Variants in MYH15 observed in about 807,000 individuals in gnomAD.
MYH15 encodes myosin-15.
A neutral mutation model predicts 240.5 loss-of-function variants in MYH15; 227 were observed. The observed-to-expected ratio is 0.94, with a 90% CI of 0.85 to 1.05. MYH15 has a LOEUF of 1.05. MYH15 is among the 50% of genes least tolerant of loss of function. The pLI, the probability that MYH15 is intolerant of heterozygous loss-of-function variation, is 0.00. For synonymous variants in MYH15, 785 were observed against 796.7 expected, an observed-to-expected ratio of 0.99 and a Z score of 0.25; for missense variants, 2,217 against 2,247.5, an observed-to-expected ratio of 0.99 and a Z score of 0.27.
In MYH15 at chr3:108,441,256, T is replaced by C. The variant is rs770838164; in HGVS notation, c.2660A>G (p.Gln887Arg). Residue 887 changes from glutamine to arginine, a missense_variant, in exon 23 of 41, where the codon CAA becomes CGA. Coordinates refer to ENST00000693548, the MANE Select transcript of MYH15 (RefSeq NM_014981.3). ...CTCTTCAACATTTGCCAGTGTCTCT[T>C]GCTCCTGCCATGATGAGGAGAAAAT... Reference protein sequence around the residue: ...NDLILQLQAEQETLANVEEQC... With the variant: ...NDLILQLQAERETLANVEEQC... 3 of 1,613,990 alleles carry C rather than the reference T, an allele frequency of 1.9e-6. No individual in the cohort carries two copies. Among genetic ancestry groups the C allele is most frequent in the Non-Finnish European group, 2.5e-6 (3 of 1,179,920 alleles).
chr3:108,447,503 T>C (rs566307163), intron 21 of MYH15, among the ~76,000 whole-genome samples: 1 of 151,832 alleles, frequency 6.6e-6, no homozygotes, highest in Non-Finnish European at 1.5e-5. Context: ...GAAACCCTCA[T>C]GAGACTATGA....
chr3:108,447,772 T>C (rs1384079943), intron 21 of MYH15, among the ~76,000 whole-genome samples: 4 of 152,040 alleles, frequency 2.6e-5, no homozygotes, highest in Non-Finnish European at 5.9e-5. Flanking sequence ...CACACAAAAA[T>C]ATATAAAAGT....
intron 26 of MYH15, among the ~76,000 whole-genome samples, chr3:108,430,602 GCAAA>G (rs981981498): frequency 6.6e-6 from 1 of 152,154 alleles, no homozygotes; most frequent in African/African-American, 2.4e-5. Context: ...CTGGTTCACA[GCAAA>G]CAGTCAACCA....
rs1179466110 is a variant in MYH15, at chr3:108,383,790, T to C, written c.5632-61A>G. On this transcript the variant is annotated intron_variant, in intron 39 of 40. Coordinates refer to ENST00000693548, the MANE Select transcript of MYH15 (RefSeq NM_014981.3). The stretch of plus-strand genomic sequence containing the variant: ...TGCCTATATAGTCAGGTGTTTTTTT[T>C]TTCTGCTCTGACATGAGAAAGTTGA... The C allele has an allele frequency of 3.0e-6, 4 of 1,355,270 alleles. No individual in the cohort carries two copies. The African/African-American group carries it at 4.4e-5, about 15-fold the overall frequency. The allele number at this position is 1,355,270 out of a possible 1,614,324, so 84.0% of individuals were successfully genotyped here.
Position 108,501,844 on chromosome 3 carries a change from T to G in MYH15, c.207A>C (p.Ile69=). 6.2e-7 allele frequency: 1 copy of G among 1,614,014 alleles called. No individual in the cohort carries two copies. The highest frequency in any genetic ancestry group is 2.2e-5 in the East Asian group (1 of 44,890). Residue 69 remains isoleucine, a synonymous_variant, in exon 3 of 41, where the codon ATA becomes ATC. Transcript: ENST00000693548. ...TCATCTGCTGGATTTTGTCCTCCTT[T>G]ATGCTCAGACTCTGCAGAGAGAAGA... ...VETADGESLS[I]KEDKIQQMNP... is the part of the protein sequence containing the mutation.
rs1173344613 is a variant in MYH15, at chr3:108,441,233, C to T, written c.2683G>A (p.Glu895Lys). 1.9e-6 allele frequency: 3 copies of T among 1,613,976 alleles called. No individual in the cohort carries two copies. In the African/African-American group the frequency reaches 4.0e-5, roughly 22 times the overall value. Residue 895 changes from glutamate to lysine, a missense_variant, in exon 23 of 41, where the codon GAG becomes AAG. Physicochemically the swap from Glu to Lys is moderately conservative, Grantham distance 56 (BLOSUM62 1). Transcript: ENST00000693548. ...AEQETLANVE[E>K]QCEWLIKSKI... ...GATTTAATCAGCCACTCGCACTGCT[C>T]TTCAACATTTGCCAGTGTCTCTTGC...
the MYH15 span, among the ~76,000 whole-genome samples, chr3:108,535,248 T>C: frequency 1.3e-5 from 2 of 152,146 alleles, no homozygotes; most frequent in Non-Finnish European, 2.9e-5. Flanking sequence ...TAAAATACCA[T>C]GAACTGGGTG....
At position 108,495,785 on chromosome 3, in the gene MYH15, G is replaced by C. The variant is rs374667460; in HGVS notation, c.706C>G (p.Arg236Gly). 1.9e-6 allele frequency: 3 copies of C among 1,607,482 alleles called. No homozygotes were observed. Among genetic ancestry groups the C allele is most frequent in the Admixed American group, 1.7e-5 (1 of 59,530 alleles). The change falls in exon 7 of 41, where the codon CGT (arginine) becomes GGT (glycine). Residue 236 changes from arginine to glycine, a missense_variant. By Grantham distance (125) the Arg-to-Gly change is moderately radical. Transcript: ENST00000693548. ...TGCTAAATCATGTTACTTACAAAAC[G>C]AGAGGAGTTGTCATTTCTCAGGGTT... ...AKTLRNDNSSRFGKFIRMHFG... is the reference protein window; with the variant it reads ...AKTLRNDNSSGFGKFIRMHFG...
intron 24 of MYH15, 47 bp from the exon 25 acceptor site, chr3:108,437,746 T>C (rs2082853003): frequency 1.3e-6 from 2 of 1,578,452 alleles, no homozygotes. Flanking sequence ...GTAGAGTTTA[T>C]ACTTCACTAG....
rs569518804 is a variant in MYH15 at position 108,456,985 on chromosome 3, A to G, written c.2021-102T>C. ...ATCTTGGGTTAAAAAGAAAGTCTGA[A>G]TTGGATAGTTTCCACATGATAGGTC... On this transcript the variant is annotated intron_variant, in intron 18 of 40. Coordinates refer to ENST00000693548, the MANE Select transcript of MYH15 (RefSeq NM_014981.3). 8.5e-6 allele frequency: 7 copies of G among 819,310 alleles called. No homozygotes were observed. The African/African-American group carries it at 1.2e-4, about 14-fold the overall frequency. The allele number at this position is 819,310 out of a possible 1,614,324, so 50.8% of individuals were successfully genotyped here. A position where few individuals can be genotyped will look rare whatever the true frequency, so the allele number is the denominator to read the frequency against.
chr3:108,427,613 AC>A (rs1434428158), intron 27 of MYH15, among the ~76,000 whole-genome samples: 3 of 95,606 alleles, frequency 3.1e-5, no homozygotes, highest in Non-Finnish European at 4.4e-5. Context: ...ACACACACAC[AC>A]ACAACACACA....
chr3:108,470,604 C>A (rs1236424481), intron 13 of MYH15, 94 bp downstream of exon 13: 9 of 1,324,862 alleles, frequency 6.8e-6, no homozygotes, highest in Non-Finnish European at 9.4e-6. Flanking sequence ...ATAGAATGAT[C>A]CCCATGCTTT....
chr3:108,456,877 A>G lies in MYH15; in HGVS notation c.2027T>C (p.Leu676Pro). The G allele has an allele frequency of 6.2e-7, 1 of 1,606,556 alleles. No homozygotes were observed. Among genetic ancestry groups the G allele is most frequent in the Non-Finnish European group, 8.5e-7 (1 of 1,175,044 alleles). ...CTGCTGTAGAACCAAGTAAGGGTCC[A>G]GTATACCTGGAAAAAAAAAAGAGTC... Reference protein sequence around the residue: ...NPNVNKIPGILDPYLVLQQLR... With the variant: ...NPNVNKIPGIPDPYLVLQQLR... Residue 676 changes from leucine (L) to proline (P), a missense_variant, in exon 19 of 41, where the codon CTG (leucine) becomes CCG (proline). Physicochemically the swap from Leu to Pro is moderately conservative, Grantham distance 98 (BLOSUM62 -3). Transcript: ENST00000693548.
intron 22 of MYH15, among the ~76,000 whole-genome samples, chr3:108,442,870 A>G (rs1359330821): frequency 5.3e-5 from 8 of 151,638 alleles, no homozygotes; most frequent in African/African-American, 7.3e-5. Context: ...AGCTCTGTCA[A>G]CTTCTTAATC....
chr3:108,470,086 CA>C lies in MYH15; in HGVS notation c.1509del (p.Ile503MetfsTer11). 1 of 1,611,214 alleles carries C rather than the reference CA, an allele frequency of 6.2e-7. No homozygotes were observed. On this transcript the variant is annotated frameshift_variant, in exon 14 of 41. Transcript: ENST00000693548. LOFTEE classifies it high-confidence loss of function. Reference protein sequence around the residue: ...YKKESIEWVSIGFGLDLQACI... With the variant: ...YKKESIEWVSXGFGLDLQACI... ...CAAGCTTGCAAATCCAGACCAAAGC[CA>C]ATAGACACCCATTCAATGCTTTCTT...
rs111639152 is a variant in MYH15 at position 108,440,532 on chromosome 3, G to A, written c.2898+486C>T. Among the ~76,000 whole-genome samples the A allele has an allele frequency of 1.5e-3, 221 of 152,262 alleles. 1 individual carries two copies. The highest frequency in any genetic ancestry group is 5.1e-3 in the African/African-American group (211 of 41,558). On this transcript the variant is annotated intron_variant, in intron 23 of 40. Transcript: ENST00000693548. ...CCTCAATCCACACACAGATGCGCAA[G>A]TTAAAACCCTCAAACAAACTCTCAG...
intron 1 of MYH15, among the ~76,000 whole-genome samples, chr3:108,507,721 T>C (rs1436773727): frequency 6.6e-6 from 1 of 152,152 alleles, no homozygotes; most frequent in Non-Finnish European, 1.5e-5. Context: ...GCAAGAGGAG[T>C]TTATGTTCCC....
rs1408472733 is a variant in MYH15 at position 108,498,159 on chromosome 3, T to A, written c.525-14A>T. The A allele has an allele frequency of 1.9e-6, 3 of 1,609,742 alleles. No individual in the cohort carries two copies. In the Admixed American group the frequency reaches 5.0e-5, roughly 27 times the overall value. ...CCAGATTCTCCTCTGTGATTTGAAA[T>A]TCAGTGATACAGTTAACTGGTTCTG... On this transcript the variant is annotated splice_polypyrimidine_tract_variant and intron_variant, in intron 5 of 40. Coordinates refer to ENST00000693548, the MANE Select transcript of MYH15 (RefSeq NM_014981.3).
chr3:108,490,392 C>T (rs949918179), intron 9 of MYH15, among the ~76,000 whole-genome samples: 3 of 152,164 alleles, frequency 2.0e-5, no homozygotes, highest in African/African-American at 7.2e-5. Flanking sequence ...GTAATCTTAC[C>T]CTATGTCCAC....
Sources: gnomAD v4.1 joint callset for allele counts (sites outside exome capture counted in the v4.1 genomes callset) on GRCh38, gnomAD v4.1.1 for gene constraint, MANE v1.5 for transcripts, NCBI Gene and HGNC (gene_info 2026-07-23, HGNC 2026-07-21) for gene names.